Variants in TRIO observed in about 807,000 individuals in gnomAD.
TRIO encodes the protein trio Rho guanine nucleotide exchange factor, also known as triple functional domain protein.
In TRIO, 58 loss-of-function variants were observed where a neutral mutation model predicts 351.9. That is an observed-to-expected ratio of 0.16 (90% confidence interval 0.13 to 0.21). TRIO has a LOEUF of 0.21. Ranked by LOEUF, TRIO falls within the 10% of genes least tolerant of loss-of-function variation. The probability of loss-of-function intolerance (pLI) is 1.00; values close to 1 mark genes in which losing one functional copy is unlikely to be tolerated. For synonymous variants in TRIO, 1,758 were observed against 1,595.7 expected (o/e 1.10, Z -2.42); for missense variants, 3,201 against 4,027.8 (o/e 0.79, Z 5.56).
intron 34 of TRIO, among the ~76,000 whole-genome samples, chr5:14,436,538 A>T (rs1166412720): frequency 6.6e-6 from 1 of 152,190 alleles, no homozygotes; most frequent in Non-Finnish European, 1.5e-5. Context: ...GCAATAACTC[A>T]AAAGTCCACA....
At position 14,368,755 on chromosome 5, in the gene TRIO, G is replaced by A. The variant is rs1466435104; in HGVS notation, c.2922G>A (p.Met974Ile). The A allele has an allele frequency of 2.5e-6, 4 of 1,614,142 alleles. No individual in the cohort carries two copies. Among genetic ancestry groups the A allele is most frequent in the Non-Finnish European group, 3.4e-6 (4 of 1,180,032 alleles). ...AGGTGCAGCAGAAGGCAGAAGCCATGCTACAGGCCAACCACTACGACATGG... is the reference window on the plus strand; with the variant it reads ...AGGTGCAGCAGAAGGCAGAAGCCATACTACAGGCCAACCACTACGACATGG... ...ALQVQQKAEA[M>I]LQANHYDMDM... The change falls in exon 17 of 57, where the codon ATG (methionine) becomes ATA (isoleucine). Residue 974 changes from methionine to isoleucine, a missense_variant. Coordinates refer to ENST00000344204, the MANE Select transcript of TRIO (RefSeq NM_007118.4).
intron 49 of TRIO, 41 bp from the exon 50 acceptor site, chr5:14,496,838 T>C (rs745345034): frequency 6.2e-7 from 1 of 1,603,240 alleles, no homozygotes. Context: ...TTGGTGAATG[T>C]TGGAAAGGCA....
At chr5:14,306,946 T>C (rs973372412) in intron 8 of TRIO, among the ~76,000 whole-genome samples, 1 of 152,146 alleles carries the variant, frequency 6.6e-6, no homozygotes, top group African/African-American at 2.4e-5. Flanking sequence ...TTAAACAGCC[T>C]CTCAAACTGA....
intron 7 of TRIO, among the ~76,000 whole-genome samples, chr5:14,303,948 A>G (rs1268203657): frequency 6.6e-6 from 1 of 152,158 alleles, no homozygotes; most frequent in Admixed American, 6.5e-5. Context: ...CTTATTTCAC[A>G]TAAATGATTT....
chr5:14,507,470 C>T (rs544715484), intron 56 of TRIO, among the ~76,000 whole-genome samples: 2 of 152,326 alleles, frequency 1.3e-5, no homozygotes, highest in South Asian at 2.1e-4. Flanking sequence ...CTGGGTAAAA[C>T]GCCGGAGCCC....
intron 1 of TRIO, among the ~76,000 whole-genome samples, chr5:14,197,907 C>T (rs1374127274): frequency 6.6e-6 from 1 of 152,198 alleles, no homozygotes; most frequent in Non-Finnish European, 1.5e-5. Flanking sequence ...AAGGGAGATG[C>T]TGTCTCTGTC....
rs1455784522 is a variant in TRIO, at chr5:14,387,470, G to C, written c.3603G>C (p.Gln1201His). The change falls in exon 22 of 57, where the codon CAG becomes CAC. Residue 1201 changes from glutamine to histidine, a missense_variant. Physicochemically the swap from Gln to His is conservative, Grantham distance 24 (BLOSUM62 0). Around this residue, in one of 19 missense-constraint regions of TRIO, gnomAD observed 201 missense variants for 266.5 expected, o/e 0.75. Coordinates refer to ENST00000344204, the MANE Select transcript of TRIO (RefSeq NM_007118.4). ...QTKERVKLLI[Q>H]LADGFCEKGH... ...AAGAGAGAGTGAAGCTATTGATACA[G>C]CTGGCTGATGGCTTTTGTGAAAAAG... 6.2e-7 allele frequency: 1 copy of C among 1,613,300 alleles called. No individual in the cohort carries two copies. Among genetic ancestry groups the C allele is most frequent in the African/African-American group, 1.3e-5 (1 of 74,904 alleles).
intron 31 of TRIO, 100 bp downstream of exon 31, chr5:14,401,164 G>T (rs1748037083): frequency 9.8e-7 from 1 of 1,022,148 alleles, no homozygotes; most frequent in Admixed American, 2.4e-5. Flanking sequence ...ATTTGTTGTT[G>T]TTGTTTGTGT....
Position 14,480,643 on chromosome 5 carries a change from G to A in TRIO, c.6337-591G>A, listed in dbSNP as rs75101017. 3.9e-4 allele frequency among the ~76,000 whole-genome samples: 59 copies of A among 152,266 alleles called. No homozygotes were observed. The East Asian group carries it at 0.01, about 26-fold the overall frequency. ...GTATTGATATTCCTTCGTGTACAACGCCTAGGACCTGGATCTAGAGAGGGA... is the reference window on the plus strand; with the variant it reads ...GTATTGATATTCCTTCGTGTACAACACCTAGGACCTGGATCTAGAGAGGGA... On this transcript the variant is annotated intron_variant, in intron 43 of 56. Transcript: ENST00000344204.
rs537794486 is a variant in TRIO at position 14,478,051 on chromosome 5, T to C, written c.6153+1088T>C. 7.2e-5 allele frequency among the ~76,000 whole-genome samples: 11 copies of C among 152,302 alleles called. No individual in the cohort carries two copies. The East Asian group carries it at 1.5e-3, about 21-fold the overall frequency. On this transcript the variant is annotated intron_variant, in intron 41 of 56. Coordinates refer to ENST00000344204, the MANE Select transcript of TRIO (RefSeq NM_007118.4). The stretch of plus-strand genomic sequence containing the variant: ...GCAGATACCCAAGAGTAAATAATTA[T>C]AGTTTGTGTCAATCATTCTTCCAAG...
chr5:14,156,832 C>T (rs944731617), intron 1 of TRIO, among the ~76,000 whole-genome samples: 2 of 152,142 alleles, frequency 1.3e-5, no homozygotes, highest in African/African-American at 4.8e-5. Flanking sequence ...CTCTGCAGTT[C>T]CCCAGGGGCA....
chr5:14,454,287 A>C (rs923056401), intron 34 of TRIO, among the ~76,000 whole-genome samples: 2 of 152,112 alleles, frequency 1.3e-5, no homozygotes, highest in African/African-American at 4.8e-5. Flanking sequence ...CCACCCCGAC[A>C]CTGCTTTACA....
At chr5:14,427,007 A>G (rs916170604) in intron 34 of TRIO, among the ~76,000 whole-genome samples, 2 of 152,172 alleles carry the variant, frequency 1.3e-5, no homozygotes, top group Admixed American at 1.3e-4. Flanking sequence ...ACTTCTTTAA[A>G]TGAATGAATG....
intron 1 of TRIO, among the ~76,000 whole-genome samples, chr5:14,155,891 AT>A (rs1788074500): frequency 6.6e-6 from 1 of 152,216 alleles, no homozygotes; most frequent in South Asian, 2.1e-4. Flanking sequence ...TAGTTGTAGC[AT>A]CCATTGATGA....
At position 14,369,437 on chromosome 5, in the gene TRIO, G is replaced by A. The variant is rs1744886304; in HGVS notation, c.3130G>A (p.Ala1044Thr). Residue 1044 changes from alanine to threonine, a missense_variant, in exon 18 of 57, where the codon GCG becomes ACG. Coordinates refer to ENST00000344204, the MANE Select transcript of TRIO (RefSeq NM_007118.4). ...YKREEDWCGG[A>T]DKLGPNSETD... ...GAGAGAAGAAGACTGGTGTGGCGGG[G>A]CGGATAAGCTGGGCCCAAACTCTGA... The A allele has an allele frequency of 6.2e-7, 1 of 1,614,062 alleles. No homozygotes were observed. Among genetic ancestry groups the A allele is most frequent in the Admixed American group, 1.7e-5 (1 of 60,006 alleles).
At chr5:14,273,670 G>A (rs544465334) in intron 2 of TRIO, among the ~76,000 whole-genome samples, 86 of 152,308 alleles carry the variant, frequency 5.6e-4, no homozygotes, top group Non-Finnish European at 1.0e-3. Flanking sequence ...TCTGCCCATG[G>A]AGGATGCAGC....
At chr5:14,385,466 A>G (rs1268147308) in intron 21 of TRIO, among the ~76,000 whole-genome samples, 2 of 152,232 alleles carry the variant, frequency 1.3e-5, no homozygotes, top group African/African-American at 4.8e-5. Flanking sequence ...AGGAAGGACA[A>G]CTAGGATGTG....
intron 48 of TRIO, among the ~76,000 whole-genome samples, chr5:14,490,544 T>A (rs116519882): frequency 0.043 from 6,583 of 152,344 alleles, 497 homozygotes; most frequent in African/African-American, 0.15. Flanking sequence ...CCTGCTTTAT[T>A]GAGCAGCAAT....
At chr5:14,344,048 G>A (rs767927024) in intron 11 of TRIO, among the ~76,000 whole-genome samples, 2 of 152,212 alleles carry the variant, frequency 1.3e-5, no homozygotes, top group African/African-American at 2.4e-5. Flanking sequence ...GAATTATTTA[G>A]CTGCGCTCTT....
Sources: allele counts gnomAD v4.1 joint callset (sites outside exome capture counted in the v4.1 genomes callset), GRCh38; gene constraint gnomAD v4.1.1; regional missense constraint gnomAD v4.1.1; transcripts MANE v1.5; gene names NCBI Gene and HGNC (gene_info 2026-07-23, HGNC 2026-07-21).